KHSRP: variants seen among roughly 807,000 people sequenced by gnomAD.
KHSRP encodes the protein KH-type splicing regulatory protein.
Under a neutral mutation model 94.9 loss-of-function variants are expected in KHSRP, and 13 were observed. The observed-to-expected ratio is 0.14, with a 90% confidence interval of 0.09 to 0.22. The LOEUF is 0.22. Among genes scored for constraint, KHSRP ranks in the 10% least tolerant of loss-of-function variants. KHSRP has a pLI of 1.00. For synonymous variants in KHSRP, 495 were observed against 401.4 expected, an observed-to-expected ratio of 1.23 and a Z score of -2.79; for missense variants, 710 against 1,010.0, an observed-to-expected ratio of 0.70 and a Z score of 4.03.
chr19:6,418,174 G>A lies in KHSRP; in HGVS notation c.880-95C>T, dbSNP rs566553189. On this transcript the variant is annotated intron_variant, in intron 9 of 18. Transcript: ENST00000600480. This position sits in a 1 kb window ranked among gnomAD's most constrained non-coding sequence, Gnocchi z 4.3. The stretch of plus-strand genomic sequence containing the variant: ...GTGCGGGCCTCAACTAAGGACCCAC[G>A]AACCCTGGGTGAGCCCAGCACAGCA... 130 of 1,086,310 alleles carry A rather than the reference G, an allele frequency of 1.2e-4. No individual in the cohort carries two copies. In the South Asian group the frequency reaches 1.5e-3, roughly 13 times the overall value. 67.3% of individuals were successfully genotyped at this position (1,086,310 alleles called of 1,614,324 possible). A position where few individuals can be genotyped will look rare whatever the true frequency, so the allele number is the denominator to read the frequency against.
Position 6,418,131 on chromosome 19 carries a change from C to G in KHSRP, c.880-52G>C. On this transcript the variant is annotated intron_variant, in intron 9 of 18. Transcript: ENST00000600480. The surrounding 1 kb of genome is among the most constrained non-coding windows in gnomAD (Gnocchi z 4.3). ...ATGGGTGAGCCCTGCTGCCCCACAC[C>G]CCCCCACCTCCTCGGGGGTGCGGGC... 1 of 1,513,772 alleles carries G rather than the reference C, an allele frequency of 6.6e-7. No individual in the cohort carries two copies. The highest frequency in any genetic ancestry group is 9.2e-7 in the Non-Finnish European group (1 of 1,092,210). The allele number at this position is 1,513,772 out of a possible 1,614,324, so 93.8% of individuals were successfully genotyped here. A position where few individuals can be genotyped will look rare whatever the true frequency, so the allele number is the denominator to read the frequency against.
Position 6,416,804 on chromosome 19 carries a change from C to A in KHSRP, c.1261G>T (p.Gly421Cys), listed in dbSNP as rs1333279028. The change falls in exon 13 of 19, where the codon GGT becomes TGT. Residue 421 changes from glycine to cysteine, a missense_variant. By Grantham distance (159) the Gly-to-Cys change is radical (BLOSUM62 -3). Transcript: ENST00000600480. ...RGRGRGQGNW[G>C]PPGGEMTFSI... ...AAGGTCATCTCCCCGCCAGGGGGAC[C>A]CCAATTGCCTTGGCCTCTTCCTCGG... is the stretch of plus-strand genomic sequence containing the variant. The A allele has an allele frequency of 1.9e-6, 3 of 1,586,136 alleles. No homozygotes were observed. Among genetic ancestry groups the A allele is most frequent in the Non-Finnish European group, 2.6e-6 (3 of 1,166,606 alleles).
In KHSRP at chr19:6,418,654, G is replaced by A. The variant is rs1358356118; in HGVS notation, c.780+48C>T. On this transcript the variant is annotated intron_variant, in intron 8 of 18. Transcript: ENST00000600480. The surrounding 1 kb of genome is among the most constrained non-coding windows in gnomAD (Gnocchi z 4.3). ...CTGGGCTGCTGTGGTGGTGGCGGTGGGGTGTGGCACACGGATGCAGAGGAA... is the reference window on the plus strand; with the variant it reads ...CTGGGCTGCTGTGGTGGTGGCGGTGAGGTGTGGCACACGGATGCAGAGGAA... The A allele has an allele frequency of 6.2e-6, 10 of 1,613,326 alleles. No homozygotes were observed. Among genetic ancestry groups the A allele is most frequent in the Non-Finnish European group, 8.5e-6 (10 of 1,179,302 alleles).
rs778651425 is a variant in KHSRP at position 6,420,444 on chromosome 19, G to A, written c.453C>T (p.Val151=). The A allele has an allele frequency of 1.2e-6, 2 of 1,613,970 alleles. No individual in the cohort carries two copies. The highest frequency in any genetic ancestry group is 1.7e-6 in the Non-Finnish European group (2 of 1,179,870). ...CACTCAGGCCCACCATGCCGTCTGG[G>A]ACCCTGTACTCTTCTGTCATTGAAG... ...PRTSMTEEYR[V]PDGMVGLIIG... is the part of the protein sequence containing the mutation. Residue 151 remains valine, a synonymous_variant, in exon 5 of 19, where the codon GTC becomes GTT. Transcript: ENST00000600480.
intron 5 of KHSRP, 42 bp downstream of exon 5, chr19:6,420,380 G>A (rs769039965): frequency 3.1e-6 from 5 of 1,598,258 alleles, no homozygotes; most frequent in Non-Finnish European, 4.3e-6. Context: ...ACTTCCTCCT[G>A]GGGAAGAGTG....
At position 6,419,570 on chromosome 19, in the gene KHSRP, C is replaced by T. The variant is rs569123634; in HGVS notation, c.548-310G>A. Among the ~76,000 whole-genome samples the T allele has an allele frequency of 3.3e-5, 5 of 152,296 alleles. No individual in the cohort carries two copies. In the South Asian group the frequency reaches 1.0e-3, roughly 32 times the overall value. ...ACCAGAGCCGCTTCTATAGACAACACGTGCTACACGCCCAAGGAAGCCTCA... is the reference window on the plus strand; with the variant it reads ...ACCAGAGCCGCTTCTATAGACAACATGTGCTACACGCCCAAGGAAGCCTCA... On this transcript the variant is annotated intron_variant, in intron 6 of 18. Coordinates refer to ENST00000600480, the MANE Select transcript of KHSRP (RefSeq NM_001366299.1).
chr19:6,421,128 G>T, intron 4 of KHSRP, 150 bp downstream of exon 4: 1 of 700,806 alleles, frequency 1.4e-6, no homozygotes, highest in Non-Finnish European at 2.4e-6. Flanking sequence ...CAGCTCCTCT[G>T]CCTCATTCCC....
rs754400001 is a variant in KHSRP at position 6,418,669 on chromosome 19, A to G, written c.780+33T>C. Reference sequence around the variant, plus strand: ...GGTGGCGGTGGGGTGTGGCACACGGATGCAGAGGAAGCTGCCCAGGTGCTG... The same window carrying G: ...GGTGGCGGTGGGGTGTGGCACACGGGTGCAGAGGAAGCTGCCCAGGTGCTG... On this transcript the variant is annotated intron_variant, in intron 8 of 18. Transcript: ENST00000600480. The surrounding 1 kb of genome is among the most constrained non-coding windows in gnomAD (Gnocchi z 4.3). 10 of 1,613,714 alleles carry G rather than the reference A, an allele frequency of 6.2e-6. No individual in the cohort carries two copies. Among genetic ancestry groups the G allele is most frequent in the Non-Finnish European group, 8.5e-6 (10 of 1,179,726 alleles).
chr19:6,418,165 A>T lies in KHSRP; in HGVS notation c.880-86T>A. On this transcript the variant is annotated intron_variant, in intron 9 of 18. Transcript: ENST00000600480. This position sits in a 1 kb window ranked among gnomAD's most constrained non-coding sequence, Gnocchi z 4.3. The stretch of plus-strand genomic sequence containing the variant: ...TCCTCGGGGGTGCGGGCCTCAACTA[A>T]GGACCCACGAACCCTGGGTGAGCCC... 5 of 1,182,970 alleles carry T rather than the reference A, an allele frequency of 4.2e-6. No homozygotes were observed. The highest frequency in any genetic ancestry group is 6.2e-6 in the Non-Finnish European group (5 of 805,364). The allele number at this position is 1,182,970 out of a possible 1,614,324, so 73.3% of individuals were successfully genotyped here. A position where few individuals can be genotyped will look rare whatever the true frequency, so the allele number is the denominator to read the frequency against.
rs2092179127 is a variant in KHSRP at position 6,419,209 on chromosome 19, G to C, written c.599C>G (p.Ser200Cys). The change falls in exon 7 of 19, where the codon TCT (serine) becomes TGT (cysteine). Residue 200 changes from serine to cysteine, a missense_variant. Around this residue, in one of 5 missense-constraint regions of KHSRP, gnomAD observed 288 missense variants for 501.1 expected, o/e 0.57. Coordinates refer to ENST00000600480, the MANE Select transcript of KHSRP (RefSeq NM_001366299.1). ...RSVSLTGAPE[S>C]VQKAKMMLDD... ...AGGCCCTGTGGGGACTTACTGGACA[G>C]ATTCTGGGGCTCCTGTCAAGGACAC... 3 of 1,583,466 alleles carry C rather than the reference G, an allele frequency of 1.9e-6. No individual in the cohort carries two copies. Among genetic ancestry groups the C allele is most frequent in the African/African-American group, 1.3e-5 (1 of 74,264 alleles).
chr19:6,414,902 A>G lies in KHSRP; in HGVS notation c.*122T>C, dbSNP rs993467022. On this transcript the variant is annotated 3_prime_UTR_variant, in exon 19 of 19. Coordinates refer to ENST00000600480, the MANE Select transcript of KHSRP (RefSeq NM_001366299.1). ...CTCCCCAGCATCACGACAGCGGCAC[A>G]CAGGAACAAGCAGCCGGCGCAGGGA... 7.2e-7 allele frequency: 1 copy of G among 1,383,704 alleles called. No homozygotes were observed. Among genetic ancestry groups the G allele is most frequent in the Non-Finnish European group, 9.3e-7 (1 of 1,073,394 alleles). 85.7% of individuals were successfully genotyped at this position (1,383,704 alleles called of 1,614,324 possible).
rs537771953 is a variant in KHSRP, at chr19:6,415,845, G to A, written c.1650C>T (p.Thr550=). Residue 550 remains threonine (T), a synonymous_variant, in exon 16 of 19, where the codon ACC becomes ACT. Transcript: ENST00000600480. ...HQYPPQGWGN[T]YPQWQPPAPH... is the part of the protein sequence containing the mutation. ...GAGCAGGCGGCTGCCACTGGGGGTAGGTATTGCCCCAGCCCTGGGGTGGGT... is the reference window on the plus strand; with the variant it reads ...GAGCAGGCGGCTGCCACTGGGGGTAAGTATTGCCCCAGCCCTGGGGTGGGT... 5 of 1,575,966 alleles carry A rather than the reference G, an allele frequency of 3.2e-6. No homozygotes were observed. In the South Asian group the frequency reaches 3.5e-5, roughly 11 times the overall value.
At position 6,421,686 on chromosome 19, in the gene KHSRP, G is replaced by C. The variant is rs2092195791; in HGVS notation, c.349C>G (p.Gln117Glu). 2 of 1,613,898 alleles carry C rather than the reference G, an allele frequency of 1.2e-6. No individual in the cohort carries two copies. The highest frequency in any genetic ancestry group is 1.7e-6 in the Non-Finnish European group (2 of 1,179,892). The change falls in exon 3 of 19, where the codon CAA becomes GAA. Residue 117 changes from glutamine (Q) to glutamate (E), a missense_variant and splice_region_variant. This residue lies in a region of KHSRP where 288 missense variants were observed against 501.1 expected (regional missense o/e 0.57). Transcript: ENST00000600480. The stretch of plus-strand genomic sequence containing the variant: ...GAAGCCAGCTTCTTGCTCTCCGGTT[G>C]ATCTGGGAAAGAGAGAGGATGGCAG... ...GQKRQLEDGDQPESKKLASQG... is the reference protein window; with the variant it reads ...GQKRQLEDGDEPESKKLASQG...
Position 6,421,268 on chromosome 19 carries a change from C to A in KHSRP, c.425+10G>T. 1 of 1,582,370 alleles carries A rather than the reference C, an allele frequency of 6.3e-7. No homozygotes were observed. The highest frequency in any genetic ancestry group is 1.3e-5 in the African/African-American group (1 of 74,374). ...GACAAGAAAGCAGTGTGGGCCCCAC[C>A]ATGGCTTACCTTGGGGGAGGATGGA... On this transcript the variant is annotated intron_variant, in intron 4 of 18. Coordinates refer to ENST00000600480, the MANE Select transcript of KHSRP (RefSeq NM_001366299.1).
At chr19:6,420,690 G>A (rs2092190062) in intron 4 of KHSRP, among the ~76,000 whole-genome samples, 1 of 152,260 alleles carries the variant, frequency 6.6e-6, no homozygotes, top group Non-Finnish European at 1.5e-5. Context: ...GATTCAGGGC[G>A]AGAGGGAGCA....
Position 6,417,177 on chromosome 19 carries a change from C to T in KHSRP, c.1082-90G>A, listed in dbSNP as rs370491717. 157 of 998,562 alleles carry T rather than the reference C, an allele frequency of 1.6e-4. No individual in the cohort carries two copies. In the East Asian group the frequency reaches 2.3e-3, roughly 15 times the overall value. 61.9% of individuals were successfully genotyped at this position (998,562 alleles called of 1,614,324 possible). ...AACGCCGCCTCCAGCGCAGACACCA[C>T]GCCGGCCTGAGATCTCAGACGCGCT... On this transcript the variant is annotated intron_variant, in intron 11 of 18. Transcript: ENST00000600480.
chr19:6,414,123 G>T lies in KHSRP; in HGVS notation c.*901C>A. 1.2e-6 allele frequency: 2 copies of T among 1,611,232 alleles called. No homozygotes were observed. Among genetic ancestry groups the T allele is most frequent in the Admixed American group, 1.7e-5 (1 of 59,788 alleles). ...CACATTCATTCGATTCATTGAGCCT[G>T]CGGAGAGGGAAGAGATAGGAATTGG... On this transcript the variant is annotated 3_prime_UTR_variant, in exon 19 of 19. Transcript: ENST00000600480.
rs541075346 is a variant in KHSRP at position 6,418,649 on chromosome 19, C to T, written c.780+53G>A. 1.4e-4 allele frequency: 225 copies of T among 1,612,816 alleles called. 3 individuals carry two copies. In the East Asian group the frequency reaches 4.7e-3, roughly 33 times the overall value. ...ACTTCCTGGGCTGCTGTGGTGGTGGCGGTGGGGTGTGGCACACGGATGCAG... is the reference window on the plus strand; with the variant it reads ...ACTTCCTGGGCTGCTGTGGTGGTGGTGGTGGGGTGTGGCACACGGATGCAG... On this transcript the variant is annotated intron_variant, in intron 8 of 18. Coordinates refer to ENST00000600480, the MANE Select transcript of KHSRP (RefSeq NM_001366299.1). The surrounding 1 kb of genome is among the most constrained non-coding windows in gnomAD (Gnocchi z 4.3).
intron 17 of KHSRP, 25 bp downstream of exon 17, chr19:6,415,509 C>G: frequency 6.5e-7 from 1 of 1,545,620 alleles, no homozygotes; most frequent in East Asian, 2.4e-5. Flanking sequence ...AGGGCTGGAG[C>G]CCCCCCGCCA....
Sources: gnomAD v4.1 joint callset for allele counts (sites outside exome capture counted in the v4.1 genomes callset) on GRCh38, gnomAD v4.1.1 for gene constraint, gnomAD v4.1.1 regional missense constraint, Gnocchi (gnomAD v3.1) non-coding constraint, MANE v1.5 for transcripts, NCBI Gene and HGNC (gene_info 2026-07-23, HGNC 2026-07-21) for gene names.